The following URI1 variants were observed in gnomAD, a reference collection of about 807,000 sequenced individuals.
URI1 encodes URI1 prefoldin like chaperone, also known as unconventional prefoldin RPB5 interactor 1.
Under a neutral mutation model 60.2 loss-of-function variants are expected in URI1, and 39 were observed. The observed-to-expected ratio is 0.65, with a 90% CI of 0.50 to 0.85. The LOEUF (loss-of-function observed/expected upper bound fraction) is 0.85, where lower values mean the gene tolerates loss of function less well. Ranked by LOEUF, URI1 falls within the 40% of genes least tolerant of loss-of-function variation. The pLI is 0.00. For synonymous variants in URI1, 251 were observed against 236.8 expected, an observed-to-expected ratio of 1.06 and a Z score of -0.55; for missense variants, 691 against 665.9, an observed-to-expected ratio of 1.04 and a Z score of -0.42.
At chr19:29,982,277 CCA>C (rs1229773822) in intron 2 of URI1, among the ~76,000 whole-genome samples, 3 of 152,122 alleles carry the variant, frequency 2.0e-5, no homozygotes, top group African/African-American at 7.2e-5. Context: ...CATTTTTATT[CCA>C]GAGAGAATTA....
rs141248744 is a variant in URI1, at chr19:29,995,443, G to C, written c.367+9026G>C. Among the ~76,000 whole-genome samples, 831 of 151,426 alleles carry C rather than the reference G, an allele frequency of 5.5e-3. 10 individuals are homozygous for C. The highest frequency in any genetic ancestry group is 0.019 in the African/African-American group (794 of 41,354). On this transcript the variant is annotated intron_variant, in intron 4 of 10. Coordinates refer to ENST00000392271, the MANE Select transcript of URI1 (RefSeq NM_003796.3). ...TGTTTGTTTTTCTTGTTCAGTTGTA[G>C]TTCTTTATATATTCTGGATATTAGT...
chr19:29,985,343 G>A (rs766488164), intron 3 of URI1, 42 bp downstream of exon 3: 1 of 1,515,568 alleles, frequency 6.6e-7, no homozygotes, highest in Non-Finnish European at 9.1e-7. Context: ...GTTGTTTCTT[G>A]TAAACATATT....
intron 4 of URI1, among the ~76,000 whole-genome samples, chr19:29,998,716 C>A (rs893063898): frequency 2.0e-5 from 3 of 152,064 alleles, no homozygotes; most frequent in African/African-American, 7.2e-5. Flanking sequence ...AAGTGAGTCT[C>A]TTATAGACAG....
At chr19:29,949,354 C>T (rs544201617) in intron 1 of URI1, among the ~76,000 whole-genome samples, 6 of 151,182 alleles carry the variant, frequency 4.0e-5, no homozygotes, top group African/African-American at 1.2e-4. Context: ...AGACGATGGG[C>T]GGCTGGGCAG....
intron 1 of URI1, among the ~76,000 whole-genome samples, chr19:29,925,139 C>A (rs762080235): frequency 6.6e-6 from 1 of 152,218 alleles, no homozygotes; most frequent in African/African-American, 2.4e-5. Flanking sequence ...CCTTGCTGCA[C>A]CCTCTCTTGT....
chr19:29,935,907 C>T (rs1449840357), intron 1 of URI1, among the ~76,000 whole-genome samples: 1 of 151,844 alleles, frequency 6.6e-6, no homozygotes, highest in Non-Finnish European at 1.5e-5. Context: ...CTGCCTCAGT[C>T]TCCCAAGTAG....
chr19:29,959,298 CTG>C (rs777195077), intron 1 of URI1, among the ~76,000 whole-genome samples: 2 of 152,070 alleles, frequency 1.3e-5, no homozygotes, highest in East Asian at 3.9e-4. Flanking sequence ...GCTAATTTTT[CTG>C]TATTTTTTGT....
chr19:29,991,018 T>C (rs935526085), intron 4 of URI1, among the ~76,000 whole-genome samples: 2 of 152,182 alleles, frequency 1.3e-5, no homozygotes, highest in African/African-American at 4.8e-5. Flanking sequence ...TAGTGTTCCT[T>C]ACAGTGTTCC....
At chr19:29,979,032 G>T (rs184064247) in intron 2 of URI1, among the ~76,000 whole-genome samples, 5 of 152,084 alleles carry the variant, frequency 3.3e-5, no homozygotes, top group Admixed American at 3.3e-4. Context: ...GACCTAAAAG[G>T]GTTTTTTAAT....
chr19:29,989,422 T>C (rs2055715565), intron 4 of URI1, among the ~76,000 whole-genome samples: 1 of 142,942 alleles, frequency 7.0e-6, no homozygotes, highest in Admixed American at 7.0e-5. Context: ...CTGGGTTATA[T>C]ATTTTCTTTC....
At chr19:29,972,357 C>T (rs2055470329) in intron 2 of URI1, among the ~76,000 whole-genome samples, 1 of 152,102 alleles carries the variant, frequency 6.6e-6, no homozygotes. Flanking sequence ...TTTCATTATA[C>T]ATTCAGTTCA....
Position 30,015,291 on chromosome 19 carries a change from ACT to A in URI1, c.*225_*226del. ...TGTGAATTCTCTGAATACTGTCAAC[ACT>A]CTTATCTAAGTTTGCCTTTATGATG... On this transcript the variant is annotated 3_prime_UTR_variant, in exon 11 of 11. Coordinates refer to ENST00000392271, the MANE Select transcript of URI1 (RefSeq NM_003796.3). 7.1e-7 allele frequency: 1 copy of A among 1,416,504 alleles called. No homozygotes were observed. Among genetic ancestry groups the A allele is most frequent in the East Asian group, 2.5e-5 (1 of 39,668 alleles). 87.7% of individuals were successfully genotyped at this position (1,416,504 alleles called of 1,614,324 possible).
chr19:30,014,516 G>A (rs942757879), intron 10 of URI1, among the ~76,000 whole-genome samples: 2 of 152,176 alleles, frequency 1.3e-5, no homozygotes, highest in African/African-American at 2.4e-5. Context: ...ACAAAAGTCA[G>A]AGTTTGACAC....
rs1229902367 is a variant in URI1 at position 29,931,141 on chromosome 19, A to G, written c.63+7387A>G. On this transcript the variant is annotated intron_variant, in intron 1 of 10. Coordinates refer to the URI1 transcript ENST00000360605. Reference sequence around the variant, plus strand: ...GAAATTCCATACAAATTTTAGGACCAGTTTGCCTACTTCTGCAAAAAAAAT... The same window carrying G: ...GAAATTCCATACAAATTTTAGGACCGGTTTGCCTACTTCTGCAAAAAAAAT... Among the ~76,000 whole-genome samples, 4 of 152,182 alleles carry G rather than the reference A, an allele frequency of 2.6e-5. No individual in the cohort carries two copies. In the East Asian group the frequency reaches 5.8e-4, roughly 22 times the overall value.
chr19:30,012,435 C>T lies in URI1; in HGVS notation c.1329C>T (p.Cys443=), dbSNP rs543433496. 1.5e-5 allele frequency: 24 copies of T among 1,614,052 alleles called. No homozygotes were observed. The highest frequency in any genetic ancestry group is 1.4e-4 in the South Asian group (13 of 91,076). ...GGGGAGTTTTGAGGAGTATCAGCTGCGAAGAAGCCACTTGCAGTGACACCA... is the reference window on the plus strand; with the variant it reads ...GGGGAGTTTTGAGGAGTATCAGCTGTGAAGAAGCCACTTGCAGTGACACCA... ...DRRGVLRSIS[C]EEATCSDTSE... Residue 443 remains cysteine (C), a synonymous_variant, in exon 10 of 11, where the codon TGC becomes TGT. Coordinates refer to ENST00000392271, the MANE Select transcript of URI1 (RefSeq NM_003796.3).
Position 30,012,284 on chromosome 19 carries a change from G to T in URI1, c.1179-1G>T. ...ATGCATATGTGTTTTGAATATCACA[G>T]AGCCTTTGTTGATGTTGTGAATGGA... On this transcript the variant is annotated splice_acceptor_variant, in intron 9 of 10. Coordinates refer to ENST00000392271, the MANE Select transcript of URI1 (RefSeq NM_003796.3). LOFTEE classifies it high-confidence loss of function. 11 of 1,611,502 alleles carry T rather than the reference G, an allele frequency of 6.8e-6. No homozygotes were observed. Among genetic ancestry groups the T allele is most frequent in the Admixed American group, 1.7e-5 (1 of 59,942 alleles).
chr19:29,965,961 G>T (rs2055386628), intron 1 of URI1, among the ~76,000 whole-genome samples: 1 of 152,202 alleles, frequency 6.6e-6, no homozygotes, highest in East Asian at 1.9e-4. Context: ...TAAAGGTAAA[G>T]ATTAAGGAGA....
intron 3 of URI1, among the ~76,000 whole-genome samples, chr19:29,985,805 T>C (rs2145372553): frequency 6.6e-6 from 1 of 152,370 alleles, no homozygotes; most frequent in Non-Finnish European, 1.5e-5. Flanking sequence ...TTTGTTCTTT[T>C]ATACTAGTCC....
At chr19:29,938,076 C>A (rs370301534), upstream of URI1, 1 of 152,092 alleles carries the variant, frequency 6.6e-6, no homozygotes. Context: ...AGGCTGGTCT[C>A]GAAATCCTGA....
Sources: gnomAD v4.1 joint callset for allele counts (sites outside exome capture counted in the v4.1 genomes callset) on GRCh38, gnomAD v4.1.1 for gene constraint, MANE v1.5 for transcripts, NCBI Gene and HGNC (gene_info 2026-07-23, HGNC 2026-07-21) for gene names.